The following FSTL5 variants were observed in gnomAD, a reference collection of about 807,000 sequenced individuals.
FSTL5 encodes the protein follistatin like 5.
Under a neutral mutation model 89.1 loss-of-function variants are expected in FSTL5, and 62 were observed. The observed-to-expected ratio is 0.70, with a 90% CI of 0.57 to 0.86. FSTL5 has a LOEUF of 0.86. Ranked by LOEUF, FSTL5 falls within the 40% of genes least tolerant of loss-of-function variation. The pLI is 0.00. For missense variants in FSTL5, 1,057 were observed against 1,001.6 expected, an observed-to-expected ratio of 1.06 and a Z score of -0.75; for synonymous variants, 383 against 346.2, an observed-to-expected ratio of 1.11 and a Z score of -1.18.
At chr4:161,596,331 TAGAAA>T (rs1207679290) in intron 7 of FSTL5, among the ~76,000 whole-genome samples, 1 of 151,830 alleles carries the variant, frequency 6.6e-6, no homozygotes. Flanking sequence ...AAATATGCAA[TAGAAA>T]AGAAATGTCA....
chr4:161,757,890 A>T (rs2126788153), intron 6 of FSTL5, among the ~76,000 whole-genome samples: 1 of 152,276 alleles, frequency 6.6e-6, no homozygotes, highest in Non-Finnish European at 1.5e-5. Flanking sequence ...AAGTGCTGGG[A>T]TTACAGGCAT....
intron 3 of FSTL5, among the ~76,000 whole-genome samples, chr4:161,985,173 A>T (rs1735929413): frequency 6.6e-6 from 1 of 151,960 alleles, no homozygotes; most frequent in African/African-American, 2.4e-5. Flanking sequence ...AGTAATTCTT[A>T]TATTTACCCA....
intron 1 of FSTL5, among the ~76,000 whole-genome samples, chr4:162,145,133 C>T (rs1172345576): frequency 6.6e-6 from 1 of 151,538 alleles, no homozygotes; most frequent in Admixed American, 6.6e-5. Flanking sequence ...CCAGTGCACA[C>T]ACATACACAA....
chr4:161,790,881 G>A (rs1478390130), intron 4 of FSTL5, among the ~76,000 whole-genome samples: 1 of 152,050 alleles, frequency 6.6e-6, no homozygotes, highest in Non-Finnish European at 1.5e-5. Flanking sequence ...CTGATCCCAT[G>A]GACTAATTCT....
At chr4:161,773,010 G>A (rs568641409) in intron 5 of FSTL5, among the ~76,000 whole-genome samples, 1 of 152,246 alleles carries the variant, frequency 6.6e-6, no homozygotes, top group East Asian at 1.9e-4. Context: ...AAAGACCAAT[G>A]AAACAGAATA....
intron 4 of FSTL5, among the ~76,000 whole-genome samples, chr4:161,816,241 G>A (rs1730322544): frequency 1.3e-5 from 2 of 150,210 alleles, no homozygotes; most frequent in Admixed American, 6.6e-5. Flanking sequence ...TGCAGGTGAA[G>A]ATGGGTACTT....
intron 7 of FSTL5, among the ~76,000 whole-genome samples, chr4:161,599,108 A>T (rs1021783434): frequency 6.6e-6 from 1 of 152,162 alleles, no homozygotes; most frequent in Non-Finnish European, 1.5e-5. Context: ...AGGGAAAAAC[A>T]AAAGACTAAC....
At chr4:161,482,035 T>A (rs1451046092) in intron 12 of FSTL5, among the ~76,000 whole-genome samples, 1 of 152,164 alleles carries the variant, frequency 6.6e-6, no homozygotes, top group Non-Finnish European at 1.5e-5. Flanking sequence ...AAAATGTATG[T>A]GCAGGCCGGG....
intron 7 of FSTL5, among the ~76,000 whole-genome samples, chr4:161,608,519 T>C (rs554626590): frequency 2.0e-4 from 30 of 152,124 alleles, no homozygotes; most frequent in Admixed American, 1.6e-3. Context: ...TTAAGAAAAA[T>C]GTGTAAAAAG....
At chr4:161,450,406 A>G (rs1733120434) in intron 15 of FSTL5, among the ~76,000 whole-genome samples, 1 of 152,228 alleles carries the variant, frequency 6.6e-6, no homozygotes, top group Admixed American at 6.5e-5. Flanking sequence ...CTCATGCTTT[A>G]TGAGAATTAC....
intron 7 of FSTL5, among the ~76,000 whole-genome samples, chr4:161,639,965 T>C (rs955703139): frequency 6.6e-6 from 1 of 152,150 alleles, no homozygotes; most frequent in Non-Finnish European, 1.5e-5. Flanking sequence ...GCTTCCTTCA[T>C]TTTTTTCTTT....
At position 161,948,544 on chromosome 4, in the gene FSTL5, T is replaced by C. The variant is rs359521; in HGVS notation, c.161-27892A>G. Among the ~76,000 whole-genome samples the C allele has an allele frequency of 1.6e-3, 217 of 138,742 alleles. 1 individual carries two copies. The highest frequency in any genetic ancestry group is 8.5e-3 in the Middle Eastern group (2 of 234). 91.0% of individuals were successfully genotyped at this position (138,742 alleles called of 152,430 possible). On this transcript the variant is annotated intron_variant, in intron 3 of 15. Coordinates refer to ENST00000306100, the MANE Select transcript of FSTL5 (RefSeq NM_020116.5). ...CTTTGTCACCCAGGCTGGAATGCAG[T>C]TCAAGCCGTTCTCCTGCCTCAGCCT...
At chr4:161,889,018 T>C (rs1732903550) in intron 4 of FSTL5, among the ~76,000 whole-genome samples, 1 of 152,150 alleles carries the variant, frequency 6.6e-6, no homozygotes, top group Non-Finnish European at 1.5e-5. Flanking sequence ...TGTTAGGAAT[T>C]AAGAATTCAT....
At chr4:162,134,805 C>T (rs193090848) in intron 1 of FSTL5, among the ~76,000 whole-genome samples, 2 of 152,266 alleles carry the variant, frequency 1.3e-5, no homozygotes, top group Admixed American at 6.5e-5. Flanking sequence ...TTACCACCAC[C>T]GATGTTTATA....
intron 4 of FSTL5, among the ~76,000 whole-genome samples, chr4:161,786,426 A>T (rs959102695): frequency 4.6e-5 from 7 of 152,114 alleles, no homozygotes; most frequent in African/African-American, 1.7e-4. Context: ...CCCTTAGGTT[A>T]TCCCAACTAT....
chr4:161,842,178 G>A (rs944784004), intron 4 of FSTL5, among the ~76,000 whole-genome samples: 11 of 152,100 alleles, frequency 7.2e-5, no homozygotes, highest in African/African-American at 2.2e-4. Flanking sequence ...TAAGAAGGCC[G>A]TTTGCAATAT....
chr4:161,413,798 A>C, intron 15 of FSTL5, among the ~76,000 whole-genome samples: 1 of 152,204 alleles, frequency 6.6e-6, no homozygotes, highest in East Asian at 1.9e-4. Context: ...TGGAGGCCAT[A>C]ATCCTAAACA....
chr4:161,843,955 T>C (rs1452581515), intron 4 of FSTL5, among the ~76,000 whole-genome samples: 2 of 152,076 alleles, frequency 1.3e-5, no homozygotes, highest in Non-Finnish European at 2.9e-5. Context: ...GGAATCTAAT[T>C]AAACTAAAGA....
intron 13 of FSTL5, among the ~76,000 whole-genome samples, chr4:161,468,594 ATTAACAAGATTATTGTT>A (rs1206534307): frequency 6.6e-6 from 1 of 152,158 alleles, no homozygotes; most frequent in Non-Finnish European, 1.5e-5. Flanking sequence ...ACATTTTTAG[ATTAACAAGATTATTGTT>A]TTTTGTTTCA....
Sources: gnomAD v4.1 joint callset for allele counts (sites outside exome capture counted in the v4.1 genomes callset) on GRCh38, gnomAD v4.1.1 for gene constraint, MANE v1.5 for transcripts, NCBI Gene and HGNC (gene_info 2026-07-23, HGNC 2026-07-21) for gene names.